RANBP2: variants seen among roughly 807,000 people sequenced by gnomAD.
RANBP2 encodes E3 SUMO-protein ligase RanBP2.
Under a neutral mutation model 303.6 loss-of-function variants are expected in RANBP2, and 57 were observed. That is an observed-to-expected ratio of 0.19 (90% CI 0.15 to 0.23). The LOEUF (loss-of-function observed/expected upper bound fraction) is 0.23. RANBP2 is among the 10% of genes least tolerant of loss of function. The pLI is 1.00. For missense variants in RANBP2, 3,138 were observed against 3,780.8 expected, an observed-to-expected ratio of 0.83 and a Z score of 4.46; for synonymous variants, 1,167 against 1,301.5, an observed-to-expected ratio of 0.90 and a Z score of 2.23.
At chr2:109,282,867 T>C in the RANBP2 span, among the ~76,000 whole-genome samples, 2 of 151,980 alleles carry the variant, frequency 1.3e-5, no homozygotes, top group South Asian at 4.2e-4. Context: ...GGAGAGGAGC[T>C]ATGGATGGGG....
chr2:108,815,472 T>TTTG, the RANBP2 span, among the ~76,000 whole-genome samples: 2 of 138,654 alleles, frequency 1.4e-5, no homozygotes, highest in African/African-American at 5.5e-5. Flanking sequence ...TTTTTTTTTT[T>TTTG]TTTTTTTTTT....
chr2:109,419,028 C>A, the RANBP2 span, among the ~76,000 whole-genome samples: 1 of 152,192 alleles, frequency 6.6e-6, no homozygotes, highest in African/African-American at 2.4e-5. Context: ...AAGCTTGGAG[C>A]ACTTTGGGGT....
the RANBP2 span, among the ~76,000 whole-genome samples, chr2:109,285,722 C>A: frequency 6.6e-6 from 1 of 152,220 alleles, no homozygotes; most frequent in Non-Finnish European, 1.5e-5. Flanking sequence ...GTCCCTGAGC[C>A]TGGTCCAGTG....
the RANBP2 span, among the ~76,000 whole-genome samples, chr2:109,468,542 CGAT>C: frequency 2.0e-5 from 3 of 152,048 alleles, no homozygotes; most frequent in Non-Finnish European, 4.4e-5. Flanking sequence ...CGAGCACAAA[CGAT>C]GACCAGTCAG....
the RANBP2 span, among the ~76,000 whole-genome samples, chr2:109,687,888 C>T: frequency 1.3e-5 from 2 of 152,062 alleles, no homozygotes; most frequent in Admixed American, 1.3e-4. Context: ...GGACTACACA[C>T]GTGCACCACC....
chr2:109,610,233 C>T, the RANBP2 span, among the ~76,000 whole-genome samples: 1 of 151,972 alleles, frequency 6.6e-6, no homozygotes, highest in South Asian at 2.1e-4. Context: ...GGACTACAGG[C>T]GCATGCCACC....
chr2:108,773,002 G>A lies in RANBP2; in HGVS notation c.8248G>A (p.Gly2750Arg). The A allele has an allele frequency of 6.2e-7, 1 of 1,613,786 alleles. No individual in the cohort carries two copies. The highest frequency in any genetic ancestry group is 8.5e-7 in the Non-Finnish European group (1 of 1,179,804). ...CSDTDEDNGN[G>R]EDFQSELQKV... ...TGATACTGATGAAGACAATGGAAAT[G>A]GGGAGGACTTTCAATCAGAGCTTCA... The change falls in exon 23 of 29, where the codon GGG becomes AGG. Residue 2750 changes from glycine to arginine, a missense_variant. By Grantham distance (125) the Gly-to-Arg change is moderately radical. Coordinates refer to ENST00000283195, the MANE Select transcript of RANBP2 (RefSeq NM_006267.5).
the RANBP2 span, among the ~76,000 whole-genome samples, chr2:108,843,844 T>TTGTGTGTGTGTGTGTGTG: frequency 8.3e-4 from 19 of 22,830 alleles, no homozygotes; most frequent in African/African-American, 1.1e-3. Context: ...AGTTCATGTT[T>TTGTGTGTGTGTGTGTGTG]TGTGTGTGTG....
the RANBP2 span, among the ~76,000 whole-genome samples, chr2:108,802,756 G>A: frequency 4.0e-5 from 6 of 150,616 alleles, no homozygotes; most frequent in African/African-American, 7.3e-5. Flanking sequence ...GTATGATATC[G>A]GCTGTGGGTT....
chr2:109,514,286 A>G, the RANBP2 span, among the ~76,000 whole-genome samples: 1 of 152,160 alleles, frequency 6.6e-6, no homozygotes, highest in Non-Finnish European at 1.5e-5. Flanking sequence ...GAGCTGGTAA[A>G]TACGGAGTTT....
the RANBP2 span, among the ~76,000 whole-genome samples, chr2:109,766,733 G>T: frequency 3.4e-5 from 5 of 148,596 alleles, no homozygotes; most frequent in Non-Finnish European, 7.4e-5. Flanking sequence ...TCTCAATATG[G>T]AATGCAAGAT....
chr2:108,982,209 G>C, the RANBP2 span, among the ~76,000 whole-genome samples: 6 of 152,186 alleles, frequency 3.9e-5, no homozygotes, highest in Non-Finnish European at 7.3e-5. Context: ...CAAATGCAGT[G>C]GCCTCTCTAA....
the RANBP2 span, among the ~76,000 whole-genome samples, chr2:109,619,185 AAGCTGTT>A: frequency 1.3e-5 from 2 of 152,326 alleles, no homozygotes; most frequent in Non-Finnish European, 2.9e-5. Context: ...ACACAGTAAA[AAGCTGTT>A]AGTAAGATTA....
chr2:109,577,569 G>T, the RANBP2 span, among the ~76,000 whole-genome samples: 1 of 150,096 alleles, frequency 6.7e-6, no homozygotes, highest in Non-Finnish European at 1.5e-5. Context: ...TCTAGCCTCA[G>T]TGACAGAGTG....
chr2:109,533,658 C>T, the RANBP2 span, among the ~76,000 whole-genome samples: 3 of 152,086 alleles, frequency 2.0e-5, no homozygotes, highest in African/African-American at 4.8e-5. Context: ...TAGCTGTTAG[C>T]GAATACAAAC....
chr2:109,153,891 G>T, the RANBP2 span, among the ~76,000 whole-genome samples: 2 of 152,184 alleles, frequency 1.3e-5, no homozygotes, highest in Non-Finnish European at 2.9e-5. Context: ...GTCGGGACTT[G>T]CTACACCAGT....
chr2:108,947,136 C>A, the RANBP2 span, among the ~76,000 whole-genome samples: 6 of 152,200 alleles, frequency 3.9e-5, no homozygotes, highest in African/African-American at 1.4e-4. Flanking sequence ...AGGCCCCATG[C>A]AAAAGTCTGA....
the RANBP2 span, among the ~76,000 whole-genome samples, chr2:109,360,393 G>C: frequency 1.3e-5 from 2 of 152,110 alleles, no homozygotes; most frequent in South Asian, 4.1e-4. Flanking sequence ...TTTGCTTTTT[G>C]TAGGCTCGAT....
the RANBP2 span, chr2:108,912,849 A>G: frequency 1.3e-5 from 15 of 1,130,394 alleles, no homozygotes; most frequent in Non-Finnish European, 1.6e-5. Flanking sequence ...ATCTGGATTC[A>G]TGATCATGAA....
Sources: allele counts gnomAD v4.1 joint callset (sites outside exome capture counted in the v4.1 genomes callset), GRCh38; gene constraint gnomAD v4.1.1; transcripts MANE v1.5; gene names NCBI Gene and HGNC (gene_info 2026-07-23, HGNC 2026-07-21).